The following ASIC2 variants were observed in gnomAD, a reference collection of about 807,000 sequenced individuals.
The protein encoded by ASIC2 is acid sensing ion channel subunit 2.
Under a neutral mutation model 57.3 loss-of-function variants are expected in ASIC2, and 25 were observed. That is an observed-to-expected ratio of 0.44 (90% CI 0.32 to 0.61). The LOEUF is 0.61. Ranked by LOEUF, ASIC2 falls within the 20% of genes least tolerant of loss-of-function variation. The probability of loss-of-function intolerance (pLI) is 0.06; values close to 1 mark genes in which losing one functional copy is unlikely to be tolerated. For synonymous variants in ASIC2, 319 were observed against 307.5 expected (o/e 1.04, Z -0.39); for missense variants, 641 against 738.1 (o/e 0.87, Z 1.52).
chr17:33,181,974 G>A (rs1260767108), intron 1 of ASIC2, among the ~76,000 whole-genome samples: 2 of 152,200 alleles, frequency 1.3e-5, no homozygotes, highest in Non-Finnish European at 2.9e-5. Flanking sequence ...ACCCTGCAGT[G>A]ACTTTGATGT....
intron 1 of ASIC2, among the ~76,000 whole-genome samples, chr17:33,589,956 A>G (rs1904773088): frequency 6.6e-6 from 1 of 152,192 alleles, no homozygotes; most frequent in African/African-American, 2.4e-5. Context: ...GAGGAAGCAA[A>G]CACACAGTAG....
chr17:33,827,035 G>T (rs994350902), intron 1 of ASIC2, among the ~76,000 whole-genome samples: 2 of 152,136 alleles, frequency 1.3e-5, no homozygotes, highest in African/African-American at 4.8e-5. Context: ...ATAGTTTGTT[G>T]AACAGATGAG....
At chr17:34,029,152 TA>T (rs2142035212) in intron 1 of ASIC2, among the ~76,000 whole-genome samples, 1 of 152,300 alleles carries the variant, frequency 6.6e-6, no homozygotes, top group South Asian at 2.1e-4. Context: ...TCCTTTACTT[TA>T]TTTGTTTTCA....
At chr17:33,079,960 G>A (rs896213340) in intron 3 of ASIC2, among the ~76,000 whole-genome samples, 10 of 152,164 alleles carry the variant, frequency 6.6e-5, no homozygotes, top group African/African-American at 2.4e-4. Context: ...TGTGGGGACA[G>A]GGAGAAGATG....
chr17:34,090,134 T>C (rs1254755074), intron 1 of ASIC2, among the ~76,000 whole-genome samples: 1 of 152,216 alleles, frequency 6.6e-6, no homozygotes, highest in Non-Finnish European at 1.5e-5. Flanking sequence ...ATGAGAGCTC[T>C]ACTGACATTT....
At chr17:33,800,147 G>T (rs1010536) in intron 1 of ASIC2, among the ~76,000 whole-genome samples, 1 of 152,030 alleles carries the variant, frequency 6.6e-6, no homozygotes, top group Non-Finnish European at 1.5e-5. Context: ...CTGCATCTCA[G>T]GCCTTGACCT....
At position 33,622,674 on chromosome 17, in the gene ASIC2, T is replaced by C. The variant is rs1905838443; in HGVS notation, c.556-510607A>G. On this transcript the variant is annotated intron_variant, in intron 1 of 9. Coordinates refer to the ASIC2 transcript ENST00000359872. ...AAGGAAGGTAGATATTCTCATGTTA[T>C]AGGATAGTTCTAAGAATTAAATGGA... Among the ~76,000 whole-genome samples the C allele has an allele frequency of 2.0e-5, 3 of 152,232 alleles. No homozygotes were observed. In the South Asian group the frequency reaches 6.2e-4, roughly 32 times the overall value.
intron 1 of ASIC2, among the ~76,000 whole-genome samples, chr17:33,377,273 A>G (rs550415260): frequency 4.5e-4 from 68 of 152,128 alleles, no homozygotes; most frequent in Non-Finnish European, 4.6e-4. Flanking sequence ...CTAGTCTCAA[A>G]CTCCTGACCT....
chr17:34,132,248 G>A (rs1028157897), intron 1 of ASIC2, among the ~76,000 whole-genome samples: 1 of 152,152 alleles, frequency 6.6e-6, no homozygotes, highest in Non-Finnish European at 1.5e-5. Flanking sequence ...CTTCAAGAAC[G>A]AAGCCGGGGA....
intron 1 of ASIC2, among the ~76,000 whole-genome samples, chr17:33,261,122 A>G (rs1029827683): frequency 6.6e-6 from 1 of 152,242 alleles, no homozygotes; most frequent in African/African-American, 2.4e-5. Flanking sequence ...TTTGCCACCC[A>G]AATAGTATCC....
intron 2 of ASIC2, among the ~76,000 whole-genome samples, chr17:33,106,140 G>C (rs1457479646): frequency 1.3e-5 from 2 of 152,148 alleles, no homozygotes; most frequent in African/African-American, 4.8e-5. Context: ...ATGCCCCAAA[G>C]TGAGGGTGTT....
chr17:33,017,146 A>G (rs1401850338), intron 8 of ASIC2, among the ~76,000 whole-genome samples: 1 of 152,062 alleles, frequency 6.6e-6, no homozygotes, highest in Non-Finnish European at 1.5e-5. Flanking sequence ...CTTCCCTAAG[A>G]CTGGCTGGGC....
At chr17:33,035,184 A>T (rs72817068) in intron 3 of ASIC2, among the ~76,000 whole-genome samples, 22,434 of 152,162 alleles carry the variant, frequency 0.15, 1,898 homozygotes, top group Middle Eastern at 0.23. Flanking sequence ...AAAGGTTTCC[A>T]TATCTTGACT....
At chr17:33,827,794 G>A (rs1567727179) in intron 1 of ASIC2, 1 of 152,048 alleles carries the variant, frequency 6.6e-6, no homozygotes, top group South Asian at 2.1e-4. Flanking sequence ...TACCATGATG[G>A]TTTGCTGCAC....
chr17:33,628,863 T>C (rs1421257539), intron 1 of ASIC2, among the ~76,000 whole-genome samples: 1 of 152,202 alleles, frequency 6.6e-6, no homozygotes, highest in Non-Finnish European at 1.5e-5. Flanking sequence ...CAGTCTGGGT[T>C]TGAATTCCAC....
intron 1 of ASIC2, among the ~76,000 whole-genome samples, chr17:34,010,997 G>GGC (rs1906702320): frequency 6.8e-4 from 1 of 1,466 alleles, no homozygotes. Flanking sequence ...CCTCTAGTCA[G>GGC]ACACACACAC....
At chr17:33,107,570 C>G (rs1207545931) in intron 2 of ASIC2, among the ~76,000 whole-genome samples, 1 of 152,160 alleles carries the variant, frequency 6.6e-6, no homozygotes, top group Non-Finnish European at 1.5e-5. Flanking sequence ...CACGGTGCCC[C>G]ACATGAAGAT....
intron 1 of ASIC2, among the ~76,000 whole-genome samples, chr17:33,741,225 C>T (rs1040035628): frequency 1.3e-5 from 2 of 152,126 alleles, no homozygotes; most frequent in African/African-American, 4.8e-5. Context: ...CCAAGATGCA[C>T]CAGTAGGTTG....
In ASIC2 at chr17:34,149,114, C is replaced by CT. The variant is rs34036498; in HGVS notation, c.555+6863dup. On this transcript the variant is annotated intron_variant, in intron 1 of 9. Coordinates refer to the ASIC2 transcript ENST00000359872. ...TTTTCTTTTTTCTTTTTTTTCTTTT[C>CT]TTTTTTTTTTGAGACAGTGTCTCGC... Among the ~76,000 whole-genome samples, 317 of 141,754 alleles carry CT rather than the reference C, an allele frequency of 2.2e-3. 1 individual carries two copies. Among genetic ancestry groups the CT allele is most frequent in the African/African-American group, 5.4e-3 (208 of 38,376 alleles). The allele number at this position is 141,754 out of a possible 152,430, so 93.0% of individuals were successfully genotyped here.
Sources: allele counts gnomAD v4.1 joint callset (sites outside exome capture counted in the v4.1 genomes callset), GRCh38; gene constraint gnomAD v4.1.1; transcripts MANE v1.5; gene names NCBI Gene and HGNC (gene_info 2026-07-23, HGNC 2026-07-21).